Variants in FHIT observed in about 807,000 individuals in gnomAD.
FHIT encodes the protein fragile histidine triad diadenosine triphosphatase.
Under a neutral mutation model 17.9 loss-of-function variants are expected in FHIT, and 19 were observed. That is an observed-to-expected ratio of 1.06 (90% CI 0.74 to 1.56). FHIT has a LOEUF of 1.56. Ranked by LOEUF, FHIT falls within the 40% of genes most tolerant of loss-of-function variation. The pLI is 0.00. For missense variants in FHIT, 248 were observed against 189.2 expected (o/e 1.31, Z -1.82); for synonymous variants, 81 against 69.7 (o/e 1.16, Z -0.81).
intron 5 of FHIT, among the ~76,000 whole-genome samples, chr3:60,469,328 G>A (rs1180726110): frequency 1.3e-5 from 2 of 151,932 alleles, no homozygotes; most frequent in Non-Finnish European, 2.9e-5. Context: ...CTGCAGGCAT[G>A]CTTCATTGTT....
intron 3 of FHIT, among the ~76,000 whole-genome samples, chr3:60,859,937 G>C (rs1336875217): frequency 1.3e-5 from 2 of 149,898 alleles, no homozygotes; most frequent in African/African-American, 4.9e-5. Flanking sequence ...CCAGCTACTG[G>C]GGAGACTGAG....
intron 2 of FHIT, among the ~76,000 whole-genome samples, chr3:61,173,428 T>C (rs1284413036): frequency 1.3e-5 from 2 of 152,230 alleles, no homozygotes; most frequent in Non-Finnish European, 2.9e-5. Context: ...GTGTGTGTGT[T>C]GTTTCTAAAG....
chr3:60,701,337 G>A (rs9878383), intron 4 of FHIT, among the ~76,000 whole-genome samples: 71 of 151,976 alleles, frequency 4.7e-4, no homozygotes, highest in Non-Finnish European at 7.2e-4. Context: ...TTCTCAAGAC[G>A]AGGGAACTGC....
chr3:60,360,558 G>T (rs1326923475), intron 5 of FHIT, among the ~76,000 whole-genome samples: 1 of 152,102 alleles, frequency 6.6e-6, no homozygotes, highest in African/African-American at 2.4e-5. Flanking sequence ...ACTTCACTGA[G>T]ATTCACTCTG....
chr3:59,863,553 A>G (rs956166947), intron 8 of FHIT, among the ~76,000 whole-genome samples: 10 of 152,292 alleles, frequency 6.6e-5, no homozygotes, highest in Admixed American at 3.3e-4. Flanking sequence ...CATAAACCCA[A>G]TGAAGCCAGA....
At chr3:60,126,027 G>T (rs1440672257) in intron 5 of FHIT, among the ~76,000 whole-genome samples, 1 of 152,066 alleles carries the variant, frequency 6.6e-6, no homozygotes, top group Non-Finnish European at 1.5e-5. Context: ...AGGCCCCTTG[G>T]TGTTCTGGCT....
chr3:59,927,307 A>G (rs2107212496), intron 7 of FHIT, among the ~76,000 whole-genome samples: 1 of 152,288 alleles, frequency 6.6e-6, no homozygotes, highest in African/African-American at 2.4e-5. Flanking sequence ...GTAACTGCTA[A>G]TGGGCACAGG....
chr3:60,159,565 C>A (rs1189780292), intron 5 of FHIT, among the ~76,000 whole-genome samples: 1 of 152,160 alleles, frequency 6.6e-6, no homozygotes, highest in Non-Finnish European at 1.5e-5. Context: ...AAGCACACAC[C>A]TTCTTAGCAA....
intron 4 of FHIT, among the ~76,000 whole-genome samples, chr3:60,708,457 A>G (rs1486190481): frequency 6.6e-6 from 1 of 152,188 alleles, no homozygotes; most frequent in African/African-American, 2.4e-5. Context: ...CACCCATGAC[A>G]TATTTTTACC....
chr3:60,891,811 C>T (rs1012262115), intron 3 of FHIT, among the ~76,000 whole-genome samples: 3 of 152,040 alleles, frequency 2.0e-5, no homozygotes, highest in Non-Finnish European at 4.4e-5. Flanking sequence ...AGAAAGTACC[C>T]GGGCGTTAAG....
chr3:61,116,803 T>G (rs1194355081), intron 2 of FHIT, among the ~76,000 whole-genome samples: 1 of 152,186 alleles, frequency 6.6e-6, no homozygotes, highest in Non-Finnish European at 1.5e-5. Flanking sequence ...CTACTCTTGC[T>G]GATGGCTTAT....
intron 5 of FHIT, among the ~76,000 whole-genome samples, chr3:60,452,704 C>A (rs935695540): frequency 5.3e-5 from 8 of 152,062 alleles, no homozygotes; most frequent in African/African-American, 1.9e-4. Context: ...GCTCAATAAC[C>A]CCTGTCTTCA....
At chr3:60,993,328 T>C (rs1299777666) in intron 3 of FHIT, among the ~76,000 whole-genome samples, 2 of 152,196 alleles carry the variant, frequency 1.3e-5, no homozygotes, top group Non-Finnish European at 2.9e-5. Context: ...CGAACAAGCT[T>C]TCATTCCGGA....
intron 3 of FHIT, among the ~76,000 whole-genome samples, chr3:60,974,070 G>T (rs1251730867): frequency 2.0e-5 from 3 of 152,142 alleles, no homozygotes; most frequent in African/African-American, 7.2e-5. Flanking sequence ...TAATGTCTAT[G>T]CCTGGCTCAC....
chr3:60,347,675 T>TG (rs33987270), intron 5 of FHIT, among the ~76,000 whole-genome samples: 7,318 of 27,080 alleles, frequency 0.27, 895 homozygotes, highest in East Asian at 0.46. Flanking sequence ...ACCACTGGTT[T>TG]GGGGGGGGGG....
At chr3:60,168,411 C>T (rs1479703747) in intron 5 of FHIT, among the ~76,000 whole-genome samples, 3 of 152,144 alleles carry the variant, frequency 2.0e-5, no homozygotes, top group Non-Finnish European at 4.4e-5. Context: ...CAATACCAAC[C>T]ATCAAGCTAA....
rs13327793 is a variant in FHIT, at chr3:60,938,138, G to C, written c.-111+103909C>G. ...CAGTCTCTCACCACTGTTTCTGCTA[G>C]GTGACAAAAGCAGTGAGAAAAGCAG... On this transcript the variant is annotated intron_variant, in intron 3 of 9. Coordinates refer to ENST00000492590, the MANE Select transcript of FHIT (RefSeq NM_002012.4). Among the ~76,000 whole-genome samples the C allele has an allele frequency of 6.5e-3, 994 of 152,318 alleles. 13 individuals are homozygous for C. The highest frequency in any genetic ancestry group is 0.027 in the Middle Eastern group (8 of 294).
At chr3:60,023,991 T>TA (rs34799084) in intron 5 of FHIT, among the ~76,000 whole-genome samples, 3,970 of 147,724 alleles carry the variant, frequency 0.027, 147 homozygotes, top group African/African-American at 0.083. Context: ...TACTTCATGG[T>TA]AAAAAAAAAA....
At chr3:59,840,922 A>G (rs1701511639) in intron 8 of FHIT, among the ~76,000 whole-genome samples, 1 of 152,142 alleles carries the variant, frequency 6.6e-6, no homozygotes, top group Non-Finnish European at 1.5e-5. Flanking sequence ...ATCATTTAGC[A>G]AATACACTAG....
Sources: gnomAD v4.1 joint callset for allele counts (sites outside exome capture counted in the v4.1 genomes callset) on GRCh38, gnomAD v4.1.1 for gene constraint, MANE v1.5 for transcripts, NCBI Gene and HGNC (gene_info 2026-07-23, HGNC 2026-07-21) for gene names.